PHC3: variants seen among roughly 807,000 people sequenced by gnomAD.
The protein encoded by PHC3 is polyhomeotic-like protein 3.
A neutral mutation model predicts 107.4 loss-of-function variants in PHC3; 13 were observed. That is an observed-to-expected ratio of 0.12 (90% CI 0.08 to 0.19). The LOEUF is 0.19. Ranked by LOEUF, PHC3 falls within the 10% of genes least tolerant of loss-of-function variation. The pLI is 1.00. For missense variants in PHC3, 992 were observed against 1,210.9 expected, an observed-to-expected ratio of 0.82 and a Z score of 2.68; for synonymous variants, 456 against 427.4, an observed-to-expected ratio of 1.07 and a Z score of -0.83.
intron 8 of PHC3, 87 bp downstream of exon 8, chr3:170,128,597 T>C (rs1489795619): frequency 1.4e-6 from 2 of 1,453,000 alleles, no homozygotes; most frequent in Non-Finnish European, 1.8e-6. Flanking sequence ...TCACAGGCAT[T>C]TAGATCTTGC....
In PHC3 at chr3:170,178,812, C is replaced by G; in HGVS notation, c.141G>C (p.Gln47His). Residue 47 changes from glutamine to histidine, a missense_variant, in exon 2 of 15, where the codon CAG (glutamine) becomes CAC (histidine). Gln to His is a conservative substitution (Grantham distance 24). This residue lies in a region of PHC3 where 161 missense variants were observed against 183.7 expected (regional missense o/e 0.88). Transcript: ENST00000495893. ...TTSSSRMQQP[Q>H]ISVYSGSDRH... ...GGTCTGAACCACTGTAGACAGAGAT[C>G]TGTGGCTGCTGCATTCGAGAGGAGG... The G allele has an allele frequency of 6.2e-7, 1 of 1,614,004 alleles. No homozygotes were observed. The highest frequency in any genetic ancestry group is 8.5e-7 in the Non-Finnish European group (1 of 1,179,888).
At chr3:170,121,406 G>A (rs1008008954) in intron 9 of PHC3, among the ~76,000 whole-genome samples, 5 of 152,132 alleles carry the variant, frequency 3.3e-5, no homozygotes, top group African/African-American at 9.7e-5. Flanking sequence ...AAAATAACAC[G>A]AAACATTTGT....
chr3:170,131,143 G>GT (rs200010487), intron 7 of PHC3, among the ~76,000 whole-genome samples: 1 of 37,322 alleles, frequency 2.7e-5, no homozygotes, highest in African/African-American at 9.1e-5. Flanking sequence ...TCCACTAATT[G>GT]TTAAAAAAAA....
chr3:170,103,048 AATG>A, intron 12 of PHC3, 114 bp from the exon 13 acceptor site: 5 of 1,055,800 alleles, frequency 4.7e-6, no homozygotes, highest in Non-Finnish European at 6.9e-6. Flanking sequence ...ATACATCATT[AATG>A]AATGTAAGAC....
At chr3:170,169,892 AT>A (rs1729325590) in intron 4 of PHC3, 1 of 152,240 alleles carries the variant, frequency 6.6e-6, no homozygotes, top group African/African-American at 2.4e-5. Context: ...TTACCATTGT[AT>A]TAAAGACATC....
intron 8 of PHC3, among the ~76,000 whole-genome samples, chr3:170,125,452 A>G (rs1426302287): frequency 6.6e-6 from 1 of 152,202 alleles, no homozygotes; most frequent in Non-Finnish European, 1.5e-5. Flanking sequence ...CTTCAGTATA[A>G]TAGATAGTAC....
chr3:170,160,622 C>A (rs774074716), intron 4 of PHC3, among the ~76,000 whole-genome samples: 23 of 152,270 alleles, frequency 1.5e-4, no homozygotes, highest in Middle Eastern at 6.8e-3. Context: ...AACATTAGGT[C>A]GGGCATGGTG....
chr3:170,095,833 T>G lies in PHC3; in HGVS notation c.*1397A>C, dbSNP rs951650201. On this transcript the variant is annotated 3_prime_UTR_variant, in exon 15 of 15. Transcript: ENST00000495893. ...CACTGTTCAGTAAAAGGTTTTGCTT[T>G]ACATTTTTTTCCTCAAACATGTACA... The G allele has an allele frequency of 2.0e-5, 3 of 152,212 alleles. No homozygotes were observed. The highest frequency in any genetic ancestry group is 6.5e-5 in the Admixed American group (1 of 15,268). 9.4% of individuals were successfully genotyped at this position (152,212 alleles called of 1,614,324 possible).
intron 12 of PHC3, among the ~76,000 whole-genome samples, 162 bp from the exon 13 acceptor site, chr3:170,103,096 T>C (rs1715793191): frequency 6.6e-6 from 1 of 152,326 alleles, no homozygotes; most frequent in African/African-American, 2.4e-5. Context: ...ATGGATTTAC[T>C]TATGCTAAAG....
At chr3:170,101,664 T>C (rs555338355) in intron 14 of PHC3, among the ~76,000 whole-genome samples, 3 of 152,262 alleles carry the variant, frequency 2.0e-5, no homozygotes, top group African/African-American at 7.2e-5. Flanking sequence ...AGTATATATA[T>C]ACATATATGT....
intron 12 of PHC3, among the ~76,000 whole-genome samples, chr3:170,103,938 C>CA (rs1715971118): frequency 8.5e-5 from 13 of 152,154 alleles, no homozygotes; most frequent in Admixed American, 8.5e-4. Flanking sequence ...GGTGTGCTGG[C>CA]ACACACCTGT....
rs761562396 is a variant in PHC3 at position 170,178,859 on chromosome 3, T to C, written c.94A>G (p.Thr32Ala). Residue 32 changes from threonine (T) to alanine (A), a missense_variant, in exon 2 of 15, where the codon ACC becomes GCC. Transcript: ENST00000495893. The stretch of plus-strand genomic sequence containing the variant: ...GAGGAAGTGGTGATGGTGGTGGTGG[T>C]GGTACTGCTGGTTGTTGTTGACACA... ...SSVSTTTSSTTTTTITTSSSR... is the reference protein window; with the variant it reads ...SSVSTTTSSTATTTITTSSSR... 3.1e-6 allele frequency: 5 copies of C among 1,613,970 alleles called. No individual in the cohort carries two copies. Among genetic ancestry groups the C allele is most frequent in the African/African-American group, 1.3e-5 (1 of 75,036 alleles).
At chr3:170,130,967 C>A (rs776512770) in intron 7 of PHC3, among the ~76,000 whole-genome samples, 4 of 151,706 alleles carry the variant, frequency 2.6e-5, no homozygotes, top group African/African-American at 9.7e-5. Context: ...TACCTTACAT[C>A]TATTTTTGTG....
At chr3:170,159,086 C>G (rs1277019846) in intron 4 of PHC3, among the ~76,000 whole-genome samples, 2 of 151,700 alleles carry the variant, frequency 1.3e-5, no homozygotes, top group Non-Finnish European at 2.9e-5. Context: ...CGCGTATCCA[C>G]TAAAAATACA....
intron 2 of PHC3, among the ~76,000 whole-genome samples, chr3:170,173,751 T>A (rs1217732440): frequency 6.6e-6 from 1 of 152,232 alleles, no homozygotes; most frequent in Non-Finnish European, 1.5e-5. Context: ...ACCATTTTTA[T>A]ATTAAAATAT....
chr3:170,160,453 G>A (rs1345495788), intron 4 of PHC3, among the ~76,000 whole-genome samples: 1 of 152,152 alleles, frequency 6.6e-6, no homozygotes, highest in Non-Finnish European at 1.5e-5. Flanking sequence ...TGTACCACCA[G>A]AGCAAGCAGC....
Position 170,097,036 on chromosome 3 carries a change from A to C in PHC3, c.*194T>G. 2.2e-6 allele frequency: 1 copy of C among 451,008 alleles called. No individual in the cohort carries two copies. The highest frequency in any genetic ancestry group is 3.8e-6 in the Non-Finnish European group (1 of 263,166). 27.9% of individuals were successfully genotyped at this position (451,008 alleles called of 1,614,324 possible). A position where few individuals can be genotyped will look rare whatever the true frequency, so the allele number is the denominator to read the frequency against. On this transcript the variant is annotated 3_prime_UTR_variant, in exon 15 of 15. Transcript: ENST00000495893. The surrounding 1 kb of genome is among the most constrained non-coding windows in gnomAD (Gnocchi z 4.1). ...GTAACCTGTAAAATTAATTTTACCA[A>C]TGTTTATTAATTATGAAAATGCATG... is the stretch of plus-strand genomic sequence containing the variant.
chr3:170,144,852 C>T (rs188703836), intron 6 of PHC3, among the ~76,000 whole-genome samples: 6 of 152,278 alleles, frequency 3.9e-5, no homozygotes, highest in African/African-American at 7.2e-5. Context: ...ATTACAGCAG[C>T]GCAGCACCAC....
At chr3:170,115,627 C>T (rs1189511633) in intron 10 of PHC3, among the ~76,000 whole-genome samples, 1 of 152,176 alleles carries the variant, frequency 6.6e-6, no homozygotes, top group African/African-American at 2.4e-5. Flanking sequence ...TTATGGCTCT[C>T]ACTAGTGATA....
Sources: allele counts gnomAD v4.1 joint callset (sites outside exome capture counted in the v4.1 genomes callset), GRCh38; gene constraint gnomAD v4.1.1; regional missense constraint gnomAD v4.1.1; non-coding constraint Gnocchi (gnomAD v3.1); transcripts MANE v1.5; gene names NCBI Gene and HGNC (gene_info 2026-07-23, HGNC 2026-07-21).